Variants in SYMPK observed in about 807,000 individuals in gnomAD.
SYMPK encodes symplekin scaffold protein, also known as symplekin.
A neutral mutation model predicts 136.4 loss-of-function variants in SYMPK; 49 were observed. That is an observed-to-expected ratio of 0.36 (90% CI 0.29 to 0.46). SYMPK has a LOEUF of 0.46. Among genes scored for constraint, SYMPK ranks in the 20% least tolerant of loss-of-function variants. The pLI, the probability that SYMPK is intolerant of heterozygous loss-of-function variation, is 1.00. For missense variants in SYMPK, 1,365 were observed against 1,690.0 expected, an observed-to-expected ratio of 0.81 and a Z score of 3.37; for synonymous variants, 766 against 713.0, an observed-to-expected ratio of 1.07 and a Z score of -1.19.
At chr19:45,850,810 G>A (rs1239410006) in intron 5 of SYMPK, among the ~76,000 whole-genome samples, 1 of 152,124 alleles carries the variant, frequency 6.6e-6, no homozygotes. Flanking sequence ...TTTGCGGGAA[G>A]AATCAAGGTT....
chr19:45,827,606 G>A lies in SYMPK; in HGVS notation c.2085C>T (p.Gly695=), dbSNP rs750215631. The A allele has an allele frequency of 3.1e-6, 5 of 1,614,182 alleles. No individual in the cohort carries two copies. In the South Asian group the frequency reaches 5.5e-5, roughly 18 times the overall value. Residue 695 remains glycine, a synonymous_variant, in exon 16 of 27, where the codon GGC becomes GGT. Coordinates refer to ENST00000245934, the MANE Select transcript of SYMPK (RefSeq NM_004819.3). ...YCEDESRTYL[G]MSTLRDLIFK... ...AGATCAGGTCTCGAAGTGTGGACAT[G>A]CCCAGATAGGTGCGACTCTGCAGCA...
intron 1 of SYMPK, among the ~76,000 whole-genome samples, chr19:45,860,944 C>T (rs1000267391): frequency 2.0e-5 from 3 of 152,222 alleles, no homozygotes; most frequent in African/African-American, 7.2e-5. Context: ...TTGTAAGAGG[C>T]AGAGTCAGCA....
At chr19:45,839,986 T>A (rs1971396711) in intron 9 of SYMPK, among the ~76,000 whole-genome samples, 1 of 152,106 alleles carries the variant, frequency 6.6e-6, no homozygotes, top group African/African-American at 2.4e-5. Flanking sequence ...TGGTTGAAAC[T>A]GTGTTAACCA....
chr19:45,848,336 T>C (rs982718400), intron 6 of SYMPK, among the ~76,000 whole-genome samples: 1 of 152,230 alleles, frequency 6.6e-6, no homozygotes, highest in Non-Finnish European at 1.5e-5. Context: ...TTAATGCTAA[T>C]GTACATCACA....
At position 45,854,187 on chromosome 19, in the gene SYMPK, T is replaced by C; in HGVS notation, c.159A>G (p.Thr53=). 2.5e-6 allele frequency: 4 copies of C among 1,614,134 alleles called. No homozygotes were observed. The highest frequency in any genetic ancestry group is 3.4e-6 in the Non-Finnish European group (4 of 1,180,012). Residue 53 remains threonine (T), a synonymous_variant, in exon 3 of 27, where the codon ACA becomes ACG. Transcript: ENST00000245934. ...CCCGGGCCCTCACCTGTTTGAGCAC[T>C]GTGATCTTTGAGTCATTGGTGATCA... ...AALITNDSKI[T]VLKQVQELII...
chr19:45,846,735 TGAG>T (rs1018255032), intron 7 of SYMPK, among the ~76,000 whole-genome samples: 1 of 152,058 alleles, frequency 6.6e-6, no homozygotes, highest in African/African-American at 2.4e-5. Flanking sequence ...AAAGCAGGAC[TGAG>T]GGAGGGGACA....
intron 5 of SYMPK, among the ~76,000 whole-genome samples, 164 bp from the exon 6 acceptor site, chr19:45,849,040 C>A (rs1214622520): frequency 6.6e-6 from 1 of 152,086 alleles, no homozygotes; most frequent in Middle Eastern, 3.2e-3. Flanking sequence ...ACTGAGCCGC[C>A]CCTGAACCCT....
chr19:45,825,243 G>T lies in SYMPK; in HGVS notation c.2418C>A (p.His806Gln). The change falls in exon 18 of 27, where the codon CAC (histidine) becomes CAA (glutamine). Residue 806 changes from histidine (H) to glutamine (Q), a missense_variant. Coordinates refer to ENST00000245934, the MANE Select transcript of SYMPK (RefSeq NM_004819.3). ...ALLPQNHKLI[H>Q]ELAAVYTEAI... ...CTTCAGTGTACACGGCCGCCAGTTCGTGGATCAGCTTGTGGTTCTGAGGCA... is the reference window on the plus strand; with the variant it reads ...CTTCAGTGTACACGGCCGCCAGTTCTTGGATCAGCTTGTGGTTCTGAGGCA... 6.2e-7 allele frequency: 1 copy of T among 1,614,202 alleles called. No homozygotes were observed. Among genetic ancestry groups the T allele is most frequent in the Non-Finnish European group, 8.5e-7 (1 of 1,180,036 alleles).
rs1434291629 is a variant in SYMPK, at chr19:45,842,428, C to T, written c.909G>A (p.Leu303=). ...QVSSVRKNLK[L]HLLSVLKHPA... is the part of the protein sequence containing the mutation. ...GGTGCTTCAGCACACTCAACAGGTG[C>T]AGCTTCAGATTCTTACGCACACTGC... The change falls in exon 9 of 27, where the codon CTG becomes CTA. Residue 303 remains leucine (L), a synonymous_variant. Coordinates refer to ENST00000245934, the MANE Select transcript of SYMPK (RefSeq NM_004819.3). 6.2e-7 allele frequency: 1 copy of T among 1,614,202 alleles called. No homozygotes were observed.
rs1970909628 is a variant in SYMPK at position 45,821,890 on chromosome 19, AG to A, written c.2792-406del. Among the ~76,000 whole-genome samples, 2 of 152,098 alleles carry A rather than the reference AG, an allele frequency of 1.3e-5. No individual in the cohort carries two copies. Among genetic ancestry groups the A allele is most frequent in the Non-Finnish European group, 2.9e-5 (2 of 68,020 alleles). On this transcript the variant is annotated intron_variant, in intron 21 of 26. Coordinates refer to ENST00000245934, the MANE Select transcript of SYMPK (RefSeq NM_004819.3). This position sits in a 1 kb window ranked among gnomAD's most constrained non-coding sequence, Gnocchi z 4.4. ...GGAGCCAGGCTACAGGCTTCCAAAAAGTGGCTGGAGCCTTCTGCTGTGTGGG... is the reference window on the plus strand; with the variant it reads ...GGAGCCAGGCTACAGGCTTCCAAAAATGGCTGGAGCCTTCTGCTGTGTGGG...
intron 16 of SYMPK, 143 bp from the exon 17 acceptor site, chr19:45,826,516 G>A: frequency 1.2e-6 from 1 of 859,576 alleles, no homozygotes; most frequent in Non-Finnish European, 1.8e-6. Flanking sequence ...CCCAGGGCTG[G>A]TCCCCAGTGC....
At chr19:45,843,581 T>C (rs1971493646) in intron 8 of SYMPK, among the ~76,000 whole-genome samples, 1 of 152,118 alleles carries the variant, frequency 6.6e-6, no homozygotes, top group Non-Finnish European at 1.5e-5. Context: ...CTGTCTAATG[T>C]AGAGAATCTC....
At position 45,825,225 on chromosome 19, in the gene SYMPK, G is replaced by A. The variant is rs1156614686; in HGVS notation, c.2436C>T (p.Tyr812=). ...HKLIHELAAV[Y]TEAIADIKRT... ...GCTTGATGTCGGCGATGGCTTCAGTGTACACGGCCGCCAGTTCGTGGATCA... is the reference window on the plus strand; with the variant it reads ...GCTTGATGTCGGCGATGGCTTCAGTATACACGGCCGCCAGTTCGTGGATCA... The change falls in exon 18 of 27, where the codon TAC becomes TAT. Residue 812 remains tyrosine (Y), a synonymous_variant. Coordinates refer to ENST00000245934, the MANE Select transcript of SYMPK (RefSeq NM_004819.3). 1.2e-6 allele frequency: 2 copies of A among 1,614,074 alleles called. No homozygotes were observed. The highest frequency in any genetic ancestry group is 1.7e-6 in the Non-Finnish European group (2 of 1,180,038).
chr19:45,827,163 C>A (rs1971060045), intron 16 of SYMPK, among the ~76,000 whole-genome samples: 1 of 152,156 alleles, frequency 6.6e-6, no homozygotes, highest in African/African-American at 2.4e-5. Flanking sequence ...CTGGGCAATG[C>A]CCTCAGGCCC....
chr19:45,854,598 C>A, intron 1 of SYMPK, 91 bp from the exon 2 acceptor site: 1 of 1,012,766 alleles, frequency 9.9e-7, no homozygotes, highest in Non-Finnish European at 1.5e-6. Context: ...ACAAAGGGCC[C>A]AAGCCTCCTT....
intron 22 of SYMPK, chr19:45,819,297 G>A (rs1473048979): frequency 6.6e-6 from 1 of 152,320 alleles, no homozygotes; most frequent in Non-Finnish European, 1.5e-5. Flanking sequence ...AGACCCTCAA[G>A]AAACAAGGTC....
At chr19:45,860,494 CAGAG>C (rs1404384492) in intron 1 of SYMPK, among the ~76,000 whole-genome samples, 7 of 150,994 alleles carry the variant, frequency 4.6e-5, no homozygotes, top group Non-Finnish European at 8.8e-5. Flanking sequence ...CCCACACACA[CAGAG>C]AGAGAAAGAG....
chr19:45,828,309 G>A (rs892184574), intron 14 of SYMPK: 21 of 232,052 alleles, frequency 9.0e-5, no homozygotes, highest in African/African-American at 4.4e-4. Context: ...ACATAGAGTT[G>A]AGGGAAGAGC....
chr19:45,817,460 C>G (rs77756656), intron 23 of SYMPK, among the ~76,000 whole-genome samples: 10,531 of 131,716 alleles, frequency 0.08, 465 homozygotes, highest in Middle Eastern at 0.12. Flanking sequence ...GATGGTCTTA[C>G]TCTGCCGCCC....
Sources: gnomAD v4.1 joint callset for allele counts (sites outside exome capture counted in the v4.1 genomes callset) on GRCh38, gnomAD v4.1.1 for gene constraint, Gnocchi (gnomAD v3.1) non-coding constraint, MANE v1.5 for transcripts, NCBI Gene and HGNC (gene_info 2026-07-23, HGNC 2026-07-21) for gene names.